Variants in KDM5A observed in about 807,000 individuals in gnomAD.
KDM5A encodes lysine demethylase 5A.
Under a neutral mutation model 193.5 loss-of-function variants are expected in KDM5A, and 42 were observed. The ratio of observed to expected loss-of-function variants is 0.22; its 90% CI spans 0.17 to 0.28. KDM5A has a LOEUF of 0.28. Ranked by LOEUF, KDM5A falls within the 10% of genes least tolerant of loss-of-function variation. The probability of loss-of-function intolerance (pLI) is 1.00; values close to 1 mark genes in which losing one functional copy is unlikely to be tolerated. For missense variants in KDM5A, 1,692 were observed against 2,055.1 expected, an observed-to-expected ratio of 0.82 and a Z score of 3.42; for synonymous variants, 796 against 718.1, an observed-to-expected ratio of 1.11 and a Z score of -1.73.
chr12:345,458 A>C (rs1038646796), intron 10 of KDM5A, among the ~76,000 whole-genome samples: 1 of 152,198 alleles, frequency 6.6e-6, no homozygotes, highest in Non-Finnish European at 1.5e-5. Context: ...AAAGCAACAG[A>C]ATATACATTC....
chr12:356,930 G>A (rs907592156), intron 5 of KDM5A, among the ~76,000 whole-genome samples: 8 of 152,068 alleles, frequency 5.3e-5, no homozygotes, highest in African/African-American at 1.9e-4. Context: ...TTTCTTTGTT[G>A]GTGATGACAT....
intron 6 of KDM5A, 82 bp downstream of exon 6, chr12:356,350 G>C: frequency 2.3e-6 from 2 of 869,800 alleles, no homozygotes; most frequent in South Asian, 2.8e-5. Flanking sequence ...TCCCAGCACA[G>C]ACTGCAATTC....
In KDM5A at chr12:368,943, A is replaced by G. The variant is rs147542026; in HGVS notation, c.367-2839T>C. On this transcript the variant is annotated intron_variant, in intron 3 of 27. Transcript: ENST00000399788. ...TTACAAATGTCTATGAGTGTGGACA[A>G]ATGGAGGAGAGGGTACACATACTAA... Among the ~76,000 whole-genome samples the G allele has an allele frequency of 2.7e-3, 416 of 152,336 alleles. 2 individuals are homozygous for G. Among genetic ancestry groups the G allele is most frequent in the African/African-American group, 9.6e-3 (399 of 41,586 alleles).
chr12:296,249 C>T (rs1394071938), intron 25 of KDM5A, among the ~76,000 whole-genome samples: 5 of 149,058 alleles, frequency 3.4e-5, no homozygotes, highest in Non-Finnish European at 5.9e-5. Context: ...TTGAACTAGG[C>T]AGGGGGAGGT....
intron 27 of KDM5A, among the ~76,000 whole-genome samples, chr12:289,867 A>G (rs1433761399): frequency 1.3e-5 from 2 of 151,278 alleles, no homozygotes; most frequent in Non-Finnish European, 2.9e-5. Context: ...GGTATCTTAA[A>G]GAACAAACTG....
At chr12:291,114 C>T (rs987894878) in intron 27 of KDM5A, among the ~76,000 whole-genome samples, 5 of 151,840 alleles carry the variant, frequency 3.3e-5, no homozygotes, top group African/African-American at 1.2e-4. Flanking sequence ...TATTAAAATG[C>T]TTTAAAATGT....
intron 3 of KDM5A, among the ~76,000 whole-genome samples, chr12:381,815 TG>T (rs1417623920): frequency 1.4e-5 from 1 of 73,276 alleles, no homozygotes; most frequent in South Asian, 3.8e-4. Context: ...ATGGTTACTC[TG>T]TTTTTTTGGA....
intron 27 of KDM5A, among the ~76,000 whole-genome samples, chr12:291,416 G>C (rs1591896104): frequency 6.6e-6 from 1 of 152,140 alleles, no homozygotes; most frequent in African/African-American, 2.4e-5. Flanking sequence ...GAGAGAACCT[G>C]GTCTGACAGC....
chr12:311,368 G>A (rs1943584587), intron 20 of KDM5A, among the ~76,000 whole-genome samples: 1 of 152,104 alleles, frequency 6.6e-6, no homozygotes, highest in African/African-American at 2.4e-5. Flanking sequence ...AGCAGGCCAG[G>A]CGTGGTGGCT....
At chr12:343,399 T>A (rs530296670) in intron 10 of KDM5A, among the ~76,000 whole-genome samples, 1 of 152,342 alleles carries the variant, frequency 6.6e-6, no homozygotes, top group Admixed American at 6.5e-5. Flanking sequence ...CATCCCTGTC[T>A]GACAGCTCTG....
At position 280,854 on chromosome 12, in the gene KDM5A, C is replaced by T. The variant is rs1350094840; in HGVS notation, c.*4602G>A. On this transcript the variant is annotated 3_prime_UTR_variant, in exon 28 of 28. Coordinates refer to ENST00000399788, the MANE Select transcript of KDM5A (RefSeq NM_001042603.3). Reference sequence around the variant, plus strand: ...CACACTCCAAAAACACTATTCTCAGCAATGATAATAGGCTAATCACACCAC... The same window carrying T: ...CACACTCCAAAAACACTATTCTCAGTAATGATAATAGGCTAATCACACCAC... 8.6e-6 allele frequency: 2 copies of T among 232,788 alleles called. No homozygotes were observed. Among genetic ancestry groups the T allele is most frequent in the African/African-American group, 4.4e-5 (2 of 45,332 alleles). 14.4% of individuals were successfully genotyped at this position (232,788 alleles called of 1,614,324 possible).
At position 388,914 on chromosome 12, in the gene KDM5A, C is replaced by A; in HGVS notation, c.165+13G>T. The A allele has an allele frequency of 1.2e-6, 2 of 1,613,976 alleles. No homozygotes were observed. The highest frequency in any genetic ancestry group is 1.7e-6 in the Non-Finnish European group (2 of 1,179,820). On this transcript the variant is annotated intron_variant, in intron 1 of 27. Coordinates refer to ENST00000399788, the MANE Select transcript of KDM5A (RefSeq NM_001042603.3). ...TCTTCCTTCTCCCCCTCTCTCTTCA[C>A]AGACTGAGGTACCTTGGGCGGCCGA...
chr12:364,846 C>T (rs1258431504), intron 4 of KDM5A, among the ~76,000 whole-genome samples: 1 of 151,340 alleles, frequency 6.6e-6, no homozygotes, highest in African/African-American at 2.4e-5. Context: ...AGCAATTCCA[C>T]TCCCAAGTAC....
intron 2 of KDM5A, among the ~76,000 whole-genome samples, chr12:385,650 T>C (rs1591945066): frequency 6.6e-6 from 1 of 152,204 alleles, no homozygotes; most frequent in Non-Finnish European, 1.5e-5. Flanking sequence ...CTAGAGAAAG[T>C]AGAATTTAAG....
intron 10 of KDM5A, 74 bp from the exon 11 acceptor site, chr12:334,496 T>A (rs139908977): frequency 7.8e-7 from 1 of 1,279,730 alleles, no homozygotes; most frequent in South Asian, 1.2e-5. Context: ...AAGGGAGTCT[T>A]CCCAGAAAAT....
At chr12:353,201 G>T (rs1944185029) in intron 8 of KDM5A, among the ~76,000 whole-genome samples, 2 of 152,030 alleles carry the variant, frequency 1.3e-5, no homozygotes, top group Admixed American at 1.3e-4. Context: ...AAATTAGCTG[G>T]GCGTGGTGGC....
chr12:341,664 G>A (rs1944006820), intron 10 of KDM5A, among the ~76,000 whole-genome samples: 1 of 152,158 alleles, frequency 6.6e-6, no homozygotes, highest in South Asian at 2.1e-4. Context: ...CACTTTGGGA[G>A]GCCAAGGTGA....
Position 328,892 on chromosome 12 carries a change from T to C in KDM5A, c.1911A>G (p.Lys637=). 1 of 1,614,222 alleles carries C rather than the reference T, an allele frequency of 6.2e-7. No individual in the cohort carries two copies. The highest frequency in any genetic ancestry group is 8.5e-7 in the Non-Finnish European group (1 of 1,180,036). ...LDVGLAAMVC[K]ELTLMTEEET... ...CTTCTTCAGTCATGAGAGTCAATTC[T>C]TTGCAGACCATGGCAGCCAGCCCCA... Residue 637 remains lysine, a synonymous_variant, in exon 14 of 28, where the codon AAA becomes AAG. Coordinates refer to ENST00000399788, the MANE Select transcript of KDM5A (RefSeq NM_001042603.3).
At chr12:371,229 C>G (rs1412706913) in intron 3 of KDM5A, among the ~76,000 whole-genome samples, 1 of 152,220 alleles carries the variant, frequency 6.6e-6, no homozygotes, top group African/African-American at 2.4e-5. Context: ...TATAGTCCCA[C>G]TAACAGTGTA....
Sources: allele counts gnomAD v4.1 joint callset (sites outside exome capture counted in the v4.1 genomes callset), GRCh38; gene constraint gnomAD v4.1.1; transcripts MANE v1.5; gene names NCBI Gene and HGNC (gene_info 2026-07-23, HGNC 2026-07-21).